The following CNDP1 variants were observed in gnomAD, a reference collection of about 807,000 sequenced individuals.
The protein encoded by CNDP1 is beta-Ala-His dipeptidase.
In CNDP1, 44 loss-of-function variants were observed where a neutral mutation model predicts 58.1. That is an observed-to-expected ratio of 0.76 (90% CI 0.60 to 0.97). The LOEUF is 0.97. CNDP1 is among the 50% of genes least tolerant of loss of function. The pLI is 0.00. For missense variants in CNDP1, 616 were observed against 655.1 expected (o/e 0.94, Z 0.65); for synonymous variants, 254 against 252.6 (o/e 1.01, Z -0.05).
intron 7 of CNDP1, chr18:74,574,616 A>G (rs1981581008): frequency 6.6e-6 from 1 of 152,282 alleles, no homozygotes; most frequent in South Asian, 2.1e-4. Context: ...GTAACTGCAG[A>G]AATGACATCA....
rs551878661 is a variant in CNDP1 at position 74,551,909 on chromosome 18, G to GAA, written c.25-4419_25-4418dup. ...TAGATGGATCAATTGGATCGATTGC[G>GAA]AAAAAAAAAAACAAAAAAAAAACCA... On this transcript the variant is annotated intron_variant, in intron 1 of 11. Transcript: ENST00000358821. Among the ~76,000 whole-genome samples, 592 of 133,482 alleles carry GAA rather than the reference G, an allele frequency of 4.4e-3. 2 individuals carry two copies. The highest frequency in any genetic ancestry group is 0.014 in the African/African-American group (521 of 36,884). 87.6% of individuals were successfully genotyped at this position (133,482 alleles called of 152,430 possible).
At chr18:74,570,356 G>A (rs1018434437) in intron 6 of CNDP1, among the ~76,000 whole-genome samples, 2 of 152,132 alleles carry the variant, frequency 1.3e-5, no homozygotes, top group Non-Finnish European at 2.9e-5. Flanking sequence ...GGTCTTGTAA[G>A]GAAGAGACTT....
intron 1 of CNDP1, among the ~76,000 whole-genome samples, chr18:74,549,773 G>C (rs1310727319): frequency 6.6e-6 from 1 of 152,208 alleles, no homozygotes; most frequent in African/African-American, 2.4e-5. Flanking sequence ...AGAGGCCTAG[G>C]AGGACTAAAT....
chr18:74,564,556 T>G (rs527265970), intron 5 of CNDP1, among the ~76,000 whole-genome samples: 1 of 152,360 alleles, frequency 6.6e-6, no homozygotes, highest in African/African-American at 2.4e-5. Context: ...TGTTCTCCTT[T>G]TTCATGCTCA....
At chr18:74,540,707 T>C (rs1317917491) in intron 1 of CNDP1, among the ~76,000 whole-genome samples, 1 of 152,218 alleles carries the variant, frequency 6.6e-6, no homozygotes, top group Non-Finnish European at 1.5e-5. Flanking sequence ...GTCTGTGAAA[T>C]GCAGCTACAG....
intron 4 of CNDP1, chr18:74,561,660 T>C (rs1352945924): frequency 5.3e-6 from 1 of 190,126 alleles, no homozygotes; most frequent in Non-Finnish European, 1.1e-5. Flanking sequence ...ACATCTTTTT[T>C]TCATTCTTCT....
In CNDP1 at chr18:74,584,475, CTT is replaced by C. The variant is rs766277632; in HGVS notation, c.1458-19_1458-18del. 2.6e-4 allele frequency: 414 copies of C among 1,580,272 alleles called. No individual in the cohort carries two copies. Among genetic ancestry groups the C allele is most frequent in the Non-Finnish European group, 3.4e-4 (395 of 1,150,136 alleles). On this transcript the variant is annotated intron_variant, in intron 11 of 11. Transcript: ENST00000358821. ...GAATGGAAATTGTAACAAAATTTCT[CTT>C]TGTTTTTCCTCTTCTTAGGTGGAAC...
chr18:74,570,659 A>C (rs1390668436), intron 6 of CNDP1, among the ~76,000 whole-genome samples: 1 of 152,212 alleles, frequency 6.6e-6, no homozygotes, highest in Non-Finnish European at 1.5e-5. Flanking sequence ...ATATACATAG[A>C]CACTATCCTG....
At chr18:74,566,566 T>C (rs1231658208) in intron 5 of CNDP1, among the ~76,000 whole-genome samples, 1 of 152,268 alleles carries the variant, frequency 6.6e-6, no homozygotes, top group Non-Finnish European at 1.5e-5. Context: ...GCCATGAGTC[T>C]CTTTGCTAAA....
chr18:74,543,633 ACAGT>A (rs1980684638), intron 1 of CNDP1, among the ~76,000 whole-genome samples: 1 of 152,256 alleles, frequency 6.6e-6, no homozygotes, highest in South Asian at 2.1e-4. Flanking sequence ...TAGACTGGGC[ACAGT>A]CAAAGTGAGA....
intron 3 of CNDP1, 62 bp from the exon 4 acceptor site, chr18:74,560,794 T>A: frequency 6.6e-7 from 1 of 1,520,620 alleles, no homozygotes; most frequent in Non-Finnish European, 9.1e-7. Flanking sequence ...ATGTCATGTC[T>A]TTGAATTTTC....
rs76713487 is a variant in CNDP1, at chr18:74,567,602, T to A, written c.756+169T>A. Among the ~76,000 whole-genome samples, 319 of 152,028 alleles carry A rather than the reference T, an allele frequency of 2.1e-3. 1 individual carries two copies. Among genetic ancestry groups the A allele is most frequent in the African/African-American group, 7.2e-3 (300 of 41,454 alleles). Reference sequence around the variant, plus strand: ...TGGGGTGGGTGCAGAGGTCTTGGGGTTTGGGGAGGTCATGAACCCCCAACA... The same window carrying A: ...TGGGGTGGGTGCAGAGGTCTTGGGGATTGGGGAGGTCATGAACCCCCAACA... On this transcript the variant is annotated intron_variant, in intron 6 of 11. Coordinates refer to ENST00000358821, the MANE Select transcript of CNDP1 (RefSeq NM_032649.6).
At chr18:74,549,090 C>A (rs931518447) in intron 1 of CNDP1, among the ~76,000 whole-genome samples, 2 of 152,184 alleles carry the variant, frequency 1.3e-5, no homozygotes, top group Non-Finnish European at 1.5e-5. Context: ...GTGGCTGCAG[C>A]ATTTACCCTG....
chr18:74,542,614 A>T (rs1203711455), intron 1 of CNDP1, among the ~76,000 whole-genome samples: 1 of 152,112 alleles, frequency 6.6e-6, no homozygotes, highest in East Asian at 1.9e-4. Context: ...TTTTGAGACA[A>T]GATCTCACTC....
At chr18:74,539,752 T>C (rs1293375280) in intron 1 of CNDP1, among the ~76,000 whole-genome samples, 1 of 152,210 alleles carries the variant, frequency 6.6e-6, no homozygotes, top group Non-Finnish European at 1.5e-5. Context: ...CTCGTTTTAA[T>C]GGAAAGTTTC....
intron 5 of CNDP1, among the ~76,000 whole-genome samples, chr18:74,562,737 G>A (rs1568296647): frequency 6.6e-6 from 1 of 152,168 alleles, no homozygotes; most frequent in Non-Finnish European, 1.5e-5. Flanking sequence ...CCCTCTTTCC[G>A]GCCTCCAGAG....
chr18:74,558,035 G>T (rs576441201), intron 2 of CNDP1, among the ~76,000 whole-genome samples: 1 of 152,194 alleles, frequency 6.6e-6, no homozygotes, highest in Non-Finnish European at 1.5e-5. Flanking sequence ...TTATGGAGAA[G>T]CCAGCAGTCT....
At chr18:74,543,602 A>G (rs12964810) in intron 1 of CNDP1, among the ~76,000 whole-genome samples, 4 of 152,194 alleles carry the variant, frequency 2.6e-5, no homozygotes, top group East Asian at 1.9e-4. Flanking sequence ...AGTTATTGAA[A>G]TAACTGAACA....
intron 11 of CNDP1, 171 bp downstream of exon 11, chr18:74,583,879 GA>G: frequency 1.5e-6 from 1 of 662,130 alleles, no homozygotes. Flanking sequence ...GGATGCCCTA[GA>G]TCAGGTGCCA....
Sources: gnomAD v4.1 joint callset for allele counts (sites outside exome capture counted in the v4.1 genomes callset) on GRCh38, gnomAD v4.1.1 for gene constraint, MANE v1.5 for transcripts, NCBI Gene and HGNC (gene_info 2026-07-23, HGNC 2026-07-21) for gene names.